Variants in HDAC9 observed in about 807,000 individuals in gnomAD.
HDAC9 encodes the protein MEF-2 interacting transcription repressor (MITR) protein.
In HDAC9, 41 loss-of-function variants were observed where a neutral mutation model predicts 139.4. The ratio of observed to expected loss-of-function variants is 0.29; its 90% CI spans 0.23 to 0.38. HDAC9 has a LOEUF of 0.38. Among genes scored for constraint, HDAC9 ranks in the 10% least tolerant of loss-of-function variants. The pLI, the probability that HDAC9 is intolerant of heterozygous loss-of-function variation, is 1.00. For synonymous variants in HDAC9, 517 were observed against 476.2 expected (o/e 1.09, Z -1.12); for missense variants, 1,147 against 1,297.0 (o/e 0.88, Z 1.78).
intron 2 of HDAC9, among the ~76,000 whole-genome samples, chr7:18,567,763 A>G (rs899042855): frequency 6.6e-5 from 10 of 152,086 alleles, no homozygotes; most frequent in East Asian, 3.9e-4. Flanking sequence ...TGGTTTGACT[A>G]CAGATCTATT....
chr7:18,961,068 A>T (rs929804756), intron 24 of HDAC9, among the ~76,000 whole-genome samples: 1 of 152,086 alleles, frequency 6.6e-6, no homozygotes. Flanking sequence ...TTTTGTCCCC[A>T]TCTACTTCAT....
In HDAC9 at chr7:18,343,552, C is replaced by T. The variant is rs149408667; in HGVS notation, c.-42+53037C>T. 6.5e-3 allele frequency among the ~76,000 whole-genome samples: 983 copies of T among 151,598 alleles called. 6 individuals are homozygous for T. Among genetic ancestry groups the T allele is most frequent in the Non-Finnish European group, 6.9e-3 (468 of 67,742 alleles). Reference sequence around the variant, plus strand: ...GAATATTGAGAAAGGGAAGAAGGAGCGATTTTTTAAACTCAAAATTAAAAC... The same window carrying T: ...GAATATTGAGAAAGGGAAGAAGGAGTGATTTTTTAAACTCAAAATTAAAAC... On this transcript the variant is annotated intron_variant, in intron 1 of 3. Transcript: ENST00000413509.
chr7:18,168,273 C>G (rs1414159898), intron 2 of HDAC9, among the ~76,000 whole-genome samples: 1 of 152,050 alleles, frequency 6.6e-6, no homozygotes, highest in African/African-American at 2.4e-5. Flanking sequence ...TTCTTTATTG[C>G]ATTTTGGGGT....
intron 16 of HDAC9, among the ~76,000 whole-genome samples, chr7:18,788,365 G>T (rs192116892): frequency 6.6e-6 from 1 of 152,152 alleles, no homozygotes; most frequent in Non-Finnish European, 1.5e-5. Flanking sequence ...GAGCATCTCA[G>T]GAATGCTGTA....
At chr7:18,957,878 G>A (rs1053522461) in intron 24 of HDAC9, among the ~76,000 whole-genome samples, 8 of 152,096 alleles carry the variant, frequency 5.3e-5, no homozygotes, top group Non-Finnish European at 8.8e-5. Flanking sequence ...AGTTTGCAAC[G>A]ACAGTATCAG....
At chr7:18,121,972 TG>T (rs1468785413) in intron 1 of HDAC9, among the ~76,000 whole-genome samples, 2 of 152,204 alleles carry the variant, frequency 1.3e-5, no homozygotes, top group Non-Finnish European at 2.9e-5. Flanking sequence ...TATTATTTTG[TG>T]TTTCTTTTTC....
At chr7:18,283,301 AACTC>A (rs1397836861) in intron 2 of HDAC9, among the ~76,000 whole-genome samples, 3 of 152,110 alleles carry the variant, frequency 2.0e-5, no homozygotes, top group South Asian at 2.1e-4. Flanking sequence ...ATCTTCTGAG[AACTC>A]ACTCACAATC....
intron 2 of HDAC9, among the ~76,000 whole-genome samples, chr7:18,199,101 G>C (rs937171179): frequency 7.2e-5 from 11 of 151,986 alleles, no homozygotes; most frequent in Non-Finnish European, 1.6e-4. Flanking sequence ...TTGTTTGTTT[G>C]TTTGTTTTAA....
intron 2 of HDAC9, among the ~76,000 whole-genome samples, chr7:18,245,789 G>A (rs1215772897): frequency 2.0e-5 from 3 of 152,066 alleles, no homozygotes; most frequent in African/African-American, 7.2e-5. Flanking sequence ...TAAGAAGAGG[G>A]AGTTTTGTGC....
At chr7:18,973,548 A>T (rs1784378253) in intron 24 of HDAC9, among the ~76,000 whole-genome samples, 1 of 152,144 alleles carries the variant, frequency 6.6e-6, no homozygotes, top group African/African-American at 2.4e-5. Context: ...GGGTGGTGAG[A>T]CTGAATTTCC....
chr7:18,530,002 GGT>G (rs1808333392), intron 2 of HDAC9, among the ~76,000 whole-genome samples: 1 of 152,034 alleles, frequency 6.6e-6, no homozygotes, highest in Non-Finnish European at 1.5e-5. Context: ...CGGGCACGGT[GGT>G]TCACTTCCGT....
At chr7:18,288,792 T>G (rs935501256), upstream of HDAC9, among the ~76,000 whole-genome samples, 1 of 152,024 alleles carries the variant, frequency 6.6e-6, no homozygotes, top group Non-Finnish European at 1.5e-5. Context: ...AGACATTACA[T>G]AGAAATAAGT....
intron 25 of HDAC9, among the ~76,000 whole-genome samples, chr7:18,988,725 T>A (rs1339671130): frequency 6.6e-6 from 1 of 151,506 alleles, no homozygotes; most frequent in Non-Finnish European, 1.5e-5. Context: ...ACTCAGGACT[T>A]GCTTTATGAA....
At chr7:18,229,143 A>T (rs1204379386) in intron 2 of HDAC9, among the ~76,000 whole-genome samples, 8 of 152,252 alleles carry the variant, frequency 5.3e-5, no homozygotes, top group Non-Finnish European at 1.2e-4. Context: ...AACCTCATAC[A>T]TAAACCTGTA....
chr7:18,545,894 G>T (rs1586887004), intron 2 of HDAC9, among the ~76,000 whole-genome samples: 1 of 152,142 alleles, frequency 6.6e-6, no homozygotes, highest in East Asian at 1.9e-4. Flanking sequence ...GAGGGGAAAA[G>T]AATAAAGCTT....
chr7:18,627,943 A>G (rs979728308), intron 6 of HDAC9, among the ~76,000 whole-genome samples: 1 of 152,162 alleles, frequency 6.6e-6, no homozygotes, highest in Non-Finnish European at 1.5e-5. Context: ...CATATAATGC[A>G]AGAGTTCTCC....
intron 22 of HDAC9, among the ~76,000 whole-genome samples, chr7:18,928,194 A>G (rs1282793738): frequency 1.3e-5 from 2 of 152,220 alleles, no homozygotes; most frequent in Non-Finnish European, 2.9e-5. Context: ...GCATTAACTC[A>G]GTTTTGGCCT....
intron 6 of HDAC9, among the ~76,000 whole-genome samples, chr7:18,622,673 C>G (rs957367449): frequency 5.9e-5 from 9 of 151,736 alleles, no homozygotes; most frequent in Non-Finnish European, 1.2e-4. Context: ...AATTAATCAT[C>G]TTAATATATG....
intron 2 of HDAC9, among the ~76,000 whole-genome samples, chr7:18,214,152 A>T (rs187617245): frequency 1.2e-3 from 184 of 152,230 alleles, no homozygotes; most frequent in African/African-American, 4.3e-3. Context: ...GCAGATAAGG[A>T]TGTCACTATT....
Sources: gnomAD v4.1 joint callset for allele counts (sites outside exome capture counted in the v4.1 genomes callset) on GRCh38, gnomAD v4.1.1 for gene constraint, MANE v1.5 for transcripts, NCBI Gene and HGNC (gene_info 2026-07-23, HGNC 2026-07-21) for gene names.